Variants in SPIDR observed in about 807,000 individuals in gnomAD.
The protein encoded by SPIDR is scaffold protein involved in DNA repair.
A neutral mutation model predicts 104.6 loss-of-function variants in SPIDR; 93 were observed. The ratio of observed to expected loss-of-function variants is 0.89; its 90% CI spans 0.75 to 1.06. SPIDR has a LOEUF of 1.06. Among genes scored for constraint, SPIDR ranks in the 50% least tolerant of loss-of-function variants. SPIDR has a pLI of 0.00. For synonymous variants in SPIDR, 431 were observed against 416.9 expected, an observed-to-expected ratio of 1.03 and a Z score of -0.41; for missense variants, 1,154 against 1,111.2, an observed-to-expected ratio of 1.04 and a Z score of -0.55.
intron 8 of SPIDR, among the ~76,000 whole-genome samples, chr8:47,523,025 G>A (rs1400288566): frequency 6.6e-6 from 1 of 151,352 alleles, no homozygotes. Context: ...TTTTGAGCGA[G>A]GGTCTCACCC....
At chr8:47,553,810 TGGA>T (rs1587672739) in intron 8 of SPIDR, among the ~76,000 whole-genome samples, 2 of 152,228 alleles carry the variant, frequency 1.3e-5, no homozygotes, top group East Asian at 1.9e-4. Flanking sequence ...TGTCTTCCTT[TGGA>T]GGAGAAGAGG....
At chr8:47,328,392 A>G (rs1587045003) in intron 5 of SPIDR, among the ~76,000 whole-genome samples, 1 of 151,278 alleles carries the variant, frequency 6.6e-6, no homozygotes, top group Non-Finnish European at 1.5e-5. Context: ...TCAAATAGCT[A>G]AGACTTCACC....
intron 7 of SPIDR, among the ~76,000 whole-genome samples, chr8:47,421,685 T>C (rs1466436172): frequency 3.3e-5 from 5 of 152,258 alleles, no homozygotes; most frequent in African/African-American, 1.2e-4. Context: ...GGAGAGGCTC[T>C]CTGCTTTTTA....
chr8:47,724,626 G>A (rs954148524), intron 16 of SPIDR, among the ~76,000 whole-genome samples: 4 of 152,240 alleles, frequency 2.6e-5, no homozygotes, highest in African/African-American at 7.2e-5. Context: ...AGCTGAACCA[G>A]CTGAGCATCT....
chr8:47,590,382 G>A (rs1027875902), intron 8 of SPIDR, among the ~76,000 whole-genome samples: 6 of 152,064 alleles, frequency 3.9e-5, no homozygotes, highest in Non-Finnish European at 7.4e-5. Flanking sequence ...TTTTCATTTA[G>A]TTCAGTGTTT....
intron 8 of SPIDR, chr8:47,512,257 G>A (rs2082446631): frequency 3.4e-6 from 1 of 295,868 alleles, no homozygotes; most frequent in Admixed American, 4.6e-5. Context: ...GGTTGTTGAG[G>A]ATGGTTTAAT....
At chr8:47,335,791 C>T (rs1333321198) in intron 5 of SPIDR, among the ~76,000 whole-genome samples, 1 of 152,222 alleles carries the variant, frequency 6.6e-6, no homozygotes, top group African/African-American at 2.4e-5. Context: ...CTTGCTTGCA[C>T]TGTTTCTGAG....
At position 47,706,164 on chromosome 8, in the gene SPIDR, G is replaced by A. The variant is rs142485194; in HGVS notation, c.1977+4149G>A. On this transcript the variant is annotated intron_variant, in intron 14 of 19. Transcript: ENST00000297423. ...TCCCAGAACTTTGGGAGGCCAAGGC[G>A]GGTGGATCACAAGGTCAGGAGATTG... Among the ~76,000 whole-genome samples the A allele has an allele frequency of 4.4e-4, 67 of 152,144 alleles. 1 individual carries two copies. Among genetic ancestry groups the A allele is most frequent in the African/African-American group, 8.0e-4 (33 of 41,490 alleles).
intron 8 of SPIDR, among the ~76,000 whole-genome samples, chr8:47,448,650 G>A (rs1317285619): frequency 1.3e-5 from 2 of 152,208 alleles, no homozygotes; most frequent in Admixed American, 1.3e-4. Context: ...ATGTATGTGA[G>A]AGTATGTGTG....
chr8:47,419,573 C>CT (rs1421935195), intron 7 of SPIDR, among the ~76,000 whole-genome samples: 1 of 152,128 alleles, frequency 6.6e-6, no homozygotes, highest in Non-Finnish European at 1.5e-5. Flanking sequence ...AAACCAGCTC[C>CT]TGGATTCATT....
chr8:47,422,841 G>T (rs1279527326), intron 7 of SPIDR, among the ~76,000 whole-genome samples: 2 of 151,978 alleles, frequency 1.3e-5, no homozygotes, highest in African/African-American at 4.8e-5. Context: ...TTTTTCCTTT[G>T]TTCCCTCCTG....
chr8:47,352,278 C>CA (rs35556300), intron 5 of SPIDR, among the ~76,000 whole-genome samples: 76,890 of 130,750 alleles, frequency 0.59, 24,325 homozygotes, highest in Admixed American at 0.73. Context: ...TCCATCTCAA[C>CA]AAAAAAAAAA....
At chr8:47,311,987 G>C (rs2044261664) in intron 5 of SPIDR, among the ~76,000 whole-genome samples, 1 of 152,032 alleles carries the variant, frequency 6.6e-6, no homozygotes, top group Non-Finnish European at 1.5e-5. Flanking sequence ...TTTTGTCCTT[G>C]CGATAGTTTG....
At chr8:47,708,510 C>A (rs751647828) in intron 14 of SPIDR, among the ~76,000 whole-genome samples, 152 of 152,248 alleles carry the variant, frequency 1.0e-3, no homozygotes, top group Non-Finnish European at 1.6e-3. Context: ...AACTAATGAA[C>A]CTGCATTGAC....
intron 8 of SPIDR, among the ~76,000 whole-genome samples, chr8:47,461,356 C>T (rs529683864): frequency 2.0e-4 from 30 of 152,248 alleles, no homozygotes; most frequent in South Asian, 1.7e-3. Flanking sequence ...GATGGAGTCT[C>T]GCTCTGTCAC....
intron 8 of SPIDR, among the ~76,000 whole-genome samples, chr8:47,548,627 AAC>A (rs2089908478): frequency 6.6e-6 from 1 of 152,226 alleles, no homozygotes; most frequent in African/African-American, 2.4e-5. Context: ...CGGCCTGGGC[AAC>A]AGAGCGGAAC....
At chr8:47,408,531 C>T (rs535471738) in intron 7 of SPIDR, among the ~76,000 whole-genome samples, 23 of 152,224 alleles carry the variant, frequency 1.5e-4, no homozygotes, top group African/African-American at 5.5e-4. Flanking sequence ...AAACGTTGTA[C>T]CCTTTGACAA....
chr8:47,612,815 T>C (rs2063768185), intron 10 of SPIDR, among the ~76,000 whole-genome samples: 1 of 152,190 alleles, frequency 6.6e-6, no homozygotes, highest in Non-Finnish European at 1.5e-5. Context: ...AGTATGCCCA[T>C]TTACTTATAT....
intron 8 of SPIDR, among the ~76,000 whole-genome samples, chr8:47,456,495 G>A (rs1436231571): frequency 3.3e-5 from 5 of 152,024 alleles, no homozygotes; most frequent in Non-Finnish European, 7.4e-5. Flanking sequence ...TGTTCACAAT[G>A]GAATGAACCC....
Sources: allele counts gnomAD v4.1 joint callset (sites outside exome capture counted in the v4.1 genomes callset), GRCh38; gene constraint gnomAD v4.1.1; transcripts MANE v1.5; gene names NCBI Gene and HGNC (gene_info 2026-07-23, HGNC 2026-07-21).